Variants in DNAAF9 observed in about 807,000 individuals in gnomAD.
DNAAF9 encodes dynein axonemal assembly factor 9.
DNAAF9 carries 90 observed loss-of-function variants against 167.0 expected under a neutral mutation model. The observed-to-expected ratio is 0.54, with a 90% confidence interval of 0.45 to 0.64. DNAAF9 has a LOEUF of 0.64. DNAAF9 is among the 30% of genes least tolerant of loss of function. The pLI is 0.00. For synonymous variants in DNAAF9, 491 were observed against 508.8 expected (o/e 0.96, Z 0.47); for missense variants, 1,315 against 1,442.2 (o/e 0.91, Z 1.43).
chr20:3,372,194 C>T (rs1164594741), intron 6 of DNAAF9, among the ~76,000 whole-genome samples: 1 of 152,210 alleles, frequency 6.6e-6, no homozygotes, highest in Non-Finnish European at 1.5e-5. Context: ...AAGAGCCTTT[C>T]TGGCTCAGGC....
chr20:3,315,249 C>A lies in DNAAF9; in HGVS notation c.1591-129G>T. The A allele has an allele frequency of 1.5e-6, 1 of 658,888 alleles. No individual in the cohort carries two copies. 40.8% of individuals were successfully genotyped at this position (658,888 alleles called of 1,614,324 possible). A position where few individuals can be genotyped will look rare whatever the true frequency, so the allele number is the denominator to read the frequency against. On this transcript the variant is annotated intron_variant, in intron 19 of 36. Coordinates refer to ENST00000252032, the MANE Select transcript of DNAAF9 (RefSeq NM_001009984.3). This position sits in a 1 kb window ranked among gnomAD's most constrained non-coding sequence, Gnocchi z 4.1. ...AAGCTGAGTCAGGCTCAGATATGCCCAATGTATTCCATGGCCTTTGGCATT... is the reference window on the plus strand; with the variant it reads ...AAGCTGAGTCAGGCTCAGATATGCCAAATGTATTCCATGGCCTTTGGCATT...
At chr20:3,344,905 C>T (rs1315463440) in intron 8 of DNAAF9, among the ~76,000 whole-genome samples, 21 of 152,050 alleles carry the variant, frequency 1.4e-4, no homozygotes, top group Admixed American at 1.3e-3. Flanking sequence ...CTTTTATACC[C>T]CTTGGCATTT....
chr20:3,381,582 C>T (rs1473651215), intron 2 of DNAAF9, 84 bp from the exon 3 acceptor site: 4 of 1,418,142 alleles, frequency 2.8e-6, no homozygotes, highest in Non-Finnish European at 3.8e-6. Context: ...TTAGCAAAAC[C>T]CTGATGATCA....
At chr20:3,349,207 A>AAAAG (rs2070261883) in intron 7 of DNAAF9, among the ~76,000 whole-genome samples, 1 of 148,942 alleles carries the variant, frequency 6.7e-6, no homozygotes, top group South Asian at 2.1e-4. Flanking sequence ...AAAAAAACAA[A>AAAAG]AAAAAAAAAA....
At chr20:3,352,563 T>C (rs370115323) in intron 7 of DNAAF9, among the ~76,000 whole-genome samples, 1 of 152,220 alleles carries the variant, frequency 6.6e-6, no homozygotes, top group African/African-American at 2.4e-5. Flanking sequence ...GAAAAACCTG[T>C]GCTTGAATCT....
chr20:3,356,879 A>G (rs1320499984), intron 7 of DNAAF9, among the ~76,000 whole-genome samples: 1 of 152,056 alleles, frequency 6.6e-6, no homozygotes, highest in Non-Finnish European at 1.5e-5. Flanking sequence ...AAGAATAACC[A>G]CTGTCAACTA....
At chr20:3,267,025 T>C (rs1038481934) in intron 30 of DNAAF9, among the ~76,000 whole-genome samples, 18 of 152,034 alleles carry the variant, frequency 1.2e-4, no homozygotes, top group Admixed American at 6.6e-5. Context: ...GCTAATTTTA[T>C]ATTTTTAATA....
At chr20:3,352,925 G>C (rs1201789111) in intron 7 of DNAAF9, among the ~76,000 whole-genome samples, 1 of 148,656 alleles carries the variant, frequency 6.7e-6, no homozygotes. Context: ...AATTCTATAT[G>C]AAATGTTATT....
In DNAAF9 at chr20:3,326,247, C is replaced by T; in HGVS notation, c.1138G>A (p.Ala380Thr). 6.2e-7 allele frequency: 1 copy of T among 1,613,622 alleles called. No homozygotes were observed. Among genetic ancestry groups the T allele is most frequent in the Non-Finnish European group, 8.5e-7 (1 of 1,179,616 alleles). ...TAACATGCAATGCCAGCCAAAACAGCCTCAATAACAGCAGCATATATCTGG... is the reference window on the plus strand; with the variant it reads ...TAACATGCAATGCCAGCCAAAACAGTCTCAATAACAGCAGCATATATCTGG... ...LSQIYAAVIE[A>T]VLAGIACYAK... The change falls in exon 13 of 37, where the codon GCT becomes ACT. Residue 380 changes from alanine to threonine, a missense_variant. Coordinates refer to ENST00000252032, the MANE Select transcript of DNAAF9 (RefSeq NM_001009984.3).
In DNAAF9 at chr20:3,343,813, A is replaced by G. The variant is rs75153219; in HGVS notation, c.790-82T>C. ...AAACCCCTCACATATGTATGTATGTACACACATGCTTCAGGAGAGTGCACA... is the reference window on the plus strand; with the variant it reads ...AAACCCCTCACATATGTATGTATGTGCACACATGCTTCAGGAGAGTGCACA... On this transcript the variant is annotated intron_variant, in intron 8 of 36. Coordinates refer to ENST00000252032, the MANE Select transcript of DNAAF9 (RefSeq NM_001009984.3). 63 of 1,010,198 alleles carry G rather than the reference A, an allele frequency of 6.2e-5. No individual in the cohort carries two copies. In the East Asian group the frequency reaches 9.8e-4, roughly 16 times the overall value. 62.6% of individuals were successfully genotyped at this position (1,010,198 alleles called of 1,614,324 possible). A position where few individuals can be genotyped will look rare whatever the true frequency, so the allele number is the denominator to read the frequency against.
At chr20:3,291,785 T>C (rs1326768854) in intron 25 of DNAAF9, among the ~76,000 whole-genome samples, 1 of 152,098 alleles carries the variant, frequency 6.6e-6, no homozygotes, top group East Asian at 1.9e-4. Context: ...CCCTCTTCTT[T>C]TGTAGGACCC....
In DNAAF9 at chr20:3,294,536, C is replaced by T. The variant is rs1408445665; in HGVS notation, c.2112G>A (p.Glu704=). 1.9e-6 allele frequency: 3 copies of T among 1,607,484 alleles called. No homozygotes were observed. The Admixed American group carries it at 5.0e-5, about 27-fold the overall frequency. Residue 704 remains glutamate, a synonymous_variant, in exon 24 of 37, where the codon GAG becomes GAA. Coordinates refer to ENST00000252032, the MANE Select transcript of DNAAF9 (RefSeq NM_001009984.3). ...SLKLLSAKLP[E]LDWFLQHFAI... The stretch of plus-strand genomic sequence containing the variant: ...ACAGAACCAGAGCTTACCAGTCCAG[C>T]TCTGGGAGTTTGGCTGAGAGTAACT...
intron 33 of DNAAF9, among the ~76,000 whole-genome samples, chr20:3,258,258 T>C (rs199524332): frequency 0.01 from 1,591 of 152,256 alleles, 32 homozygotes; most frequent in African/African-American, 0.037. Context: ...GGGCTGGCTG[T>C]TGGAGCCTGA....
chr20:3,381,368 T>C lies in DNAAF9; in HGVS notation c.283+11A>G, dbSNP rs2083650673. The C allele has an allele frequency of 6.2e-7, 1 of 1,601,602 alleles. No homozygotes were observed. Among genetic ancestry groups the C allele is most frequent in the Non-Finnish European group, 8.6e-7 (1 of 1,169,528 alleles). On this transcript the variant is annotated intron_variant, in intron 3 of 36. Coordinates refer to ENST00000252032, the MANE Select transcript of DNAAF9 (RefSeq NM_001009984.3). The stretch of plus-strand genomic sequence containing the variant: ...TCTTCTATCACACAGAGTTTACCAA[T>C]ATATACTTACCATCTAGTACTTCTT...
intron 7 of DNAAF9, among the ~76,000 whole-genome samples, chr20:3,355,332 T>C (rs771758278): frequency 3.9e-5 from 6 of 152,186 alleles, no homozygotes; most frequent in Admixed American, 6.5e-5. Context: ...CCCAGTACTT[T>C]GGGAGGCCGA....
At chr20:3,254,917 T>C (rs183464842) in intron 35 of DNAAF9, among the ~76,000 whole-genome samples, 48 of 152,316 alleles carry the variant, frequency 3.2e-4, no homozygotes, top group East Asian at 2.3e-3. Flanking sequence ...ATCTGTAACA[T>C]AGGTCTTCTG....
chr20:3,338,378 C>T (rs1323702694), intron 10 of DNAAF9, among the ~76,000 whole-genome samples: 1 of 151,982 alleles, frequency 6.6e-6, no homozygotes, highest in African/African-American at 2.4e-5. Flanking sequence ...TGTTTTATTT[C>T]CCCTTTTGGC....
In DNAAF9 at chr20:3,315,883, G is replaced by T; in HGVS notation, c.1540-98C>A. 2.2e-6 allele frequency: 2 copies of T among 917,498 alleles called. No homozygotes were observed. Among genetic ancestry groups the T allele is most frequent in the South Asian group, 1.3e-5 (1 of 76,354 alleles). The allele number at this position is 917,498 out of a possible 1,614,324, so 56.8% of individuals were successfully genotyped here. A position where few individuals can be genotyped will look rare whatever the true frequency, so the allele number is the denominator to read the frequency against. On this transcript the variant is annotated intron_variant, in intron 18 of 36. Transcript: ENST00000252032. This position sits in a 1 kb window ranked among gnomAD's most constrained non-coding sequence, Gnocchi z 4.1. ...TTCAAATATTTCCAGGACACTGGCT[G>T]GACAGTCCTTCCACCATGTCCATGT... is the stretch of plus-strand genomic sequence containing the variant.
chr20:3,377,243 TG>T (rs1038383137), intron 3 of DNAAF9, among the ~76,000 whole-genome samples: 3 of 152,172 alleles, frequency 2.0e-5, no homozygotes, highest in African/African-American at 7.2e-5. Context: ...GATTCTTAGT[TG>T]ATCTCCCCTG....
Sources: gnomAD v4.1 joint callset for allele counts (sites outside exome capture counted in the v4.1 genomes callset) on GRCh38, gnomAD v4.1.1 for gene constraint, Gnocchi (gnomAD v3.1) non-coding constraint, MANE v1.5 for transcripts, NCBI Gene and HGNC (gene_info 2026-07-23, HGNC 2026-07-21) for gene names.